The following NDC1 variants were observed in gnomAD, a reference collection of about 807,000 sequenced individuals.
The protein encoded by NDC1 is nucleoporin NDC1.
A neutral mutation model predicts 89.8 loss-of-function variants in NDC1; 24 were observed. The observed-to-expected ratio is 0.27, with a 90% CI of 0.19 to 0.38. The LOEUF (loss-of-function observed/expected upper bound fraction) is 0.38, where lower values mean the gene tolerates loss of function less well. NDC1 is among the 10% of genes least tolerant of loss of function. The pLI is 1.00. For missense variants in NDC1, 728 were observed against 797.6 expected (o/e 0.91, Z 1.05); for synonymous variants, 296 against 284.8 (o/e 1.04, Z -0.39).
At chr1:53,791,504 C>T (rs978432489) in intron 14 of NDC1, among the ~76,000 whole-genome samples, 7 of 151,978 alleles carry the variant, frequency 4.6e-5, no homozygotes, top group Non-Finnish European at 8.8e-5. Flanking sequence ...CAATTTCATG[C>T]TGCCTACCCT....
chr1:53,774,509 A>T (rs1025810038), intron 16 of NDC1, among the ~76,000 whole-genome samples: 1 of 152,316 alleles, frequency 6.6e-6, no homozygotes, highest in African/African-American at 2.4e-5. Context: ...CCTGGGTCCT[A>T]TGAATACTTT....
chr1:53,786,002 A>G (rs953209818), intron 16 of NDC1, among the ~76,000 whole-genome samples: 2 of 152,018 alleles, frequency 1.3e-5, no homozygotes, highest in African/African-American at 4.8e-5. Flanking sequence ...TCCACTCACC[A>G]TAACCTCTGC....
At chr1:53,798,138 T>TTTATTTTTATTA in intron 11 of NDC1, among the ~76,000 whole-genome samples, 1 of 133,022 alleles carries the variant, frequency 7.5e-6, no homozygotes, top group East Asian at 2.1e-4. Context: ...CCATCTTCTT[T>TTTATTTTTATTA]TTATTATTAT....
chr1:53,801,531 A>G (rs1647917848), intron 10 of NDC1, among the ~76,000 whole-genome samples: 1 of 152,190 alleles, frequency 6.6e-6, no homozygotes, highest in African/African-American at 2.4e-5. Context: ...ATGCTCCATT[A>G]TGCGTTAATA....
chr1:53,835,449 A>C, intron 2 of NDC1, 51 bp downstream of exon 2: 2 of 1,508,578 alleles, frequency 1.3e-6, no homozygotes, highest in Non-Finnish European at 1.8e-6. Context: ...TGCAATTTTT[A>C]TGTTGAGAAG....
At chr1:53,805,738 T>C (rs1011864518) in intron 9 of NDC1, among the ~76,000 whole-genome samples, 1 of 152,194 alleles carries the variant, frequency 6.6e-6, no homozygotes, top group Non-Finnish European at 1.5e-5. Context: ...AAAAGCCAAC[T>C]AATACTACAA....
chr1:53,795,713 A>G (rs570126460), intron 13 of NDC1, among the ~76,000 whole-genome samples: 6 of 152,244 alleles, frequency 3.9e-5, no homozygotes, highest in African/African-American at 1.4e-4. Flanking sequence ...CCCAGATACC[A>G]CCATCTCCCA....
intron 2 of NDC1, among the ~76,000 whole-genome samples, chr1:53,832,935 C>G (rs1428268006): frequency 6.6e-6 from 1 of 152,026 alleles, no homozygotes; most frequent in Non-Finnish European, 1.5e-5. Flanking sequence ...TCACTTGAGC[C>G]TGGGAGTTTG....
chr1:53,807,536 GA>G, intron 8 of NDC1, 119 bp downstream of exon 8: 1 of 725,494 alleles, frequency 1.4e-6, no homozygotes, highest in East Asian at 3.0e-5. Flanking sequence ...TCTCAGAAGA[GA>G]GACCAAAAAC....
chr1:53,796,883 A>G lies in NDC1; in HGVS notation c.1468+16T>C. ...CAACATGACATTTAAAATCTTAAAA[A>G]ATATATAATTCTCACCAGAAGCTGA... On this transcript the variant is annotated intron_variant, in intron 12 of 17. Transcript: ENST00000371429. The G allele has an allele frequency of 6.2e-7, 1 of 1,608,884 alleles. No homozygotes were observed. Among genetic ancestry groups the G allele is most frequent in the Non-Finnish European group, 8.5e-7 (1 of 1,178,454 alleles).
At chr1:53,830,302 A>C (rs2100693779) in intron 3 of NDC1, among the ~76,000 whole-genome samples, 1 of 151,914 alleles carries the variant, frequency 6.6e-6, no homozygotes, top group East Asian at 1.9e-4. Context: ...AAAAATACAA[A>C]AATTAGCCAG....
intron 6 of NDC1, among the ~76,000 whole-genome samples, chr1:53,814,796 G>C (rs907130866): frequency 6.6e-6 from 1 of 152,168 alleles, no homozygotes; most frequent in African/African-American, 2.4e-5. Context: ...ACTGAAATAT[G>C]AAAGATTGTT....
In NDC1 at chr1:53,831,528, C is replaced by T. The variant is rs1476083994; in HGVS notation, c.280+962G>A. ...TCTCTTCTAAAAATACAAAAATTAG[C>T]CGGGCGTGGTGGCGCGTGCCTGTAA... On this transcript the variant is annotated intron_variant, in intron 3 of 17. Coordinates refer to ENST00000371429, the MANE Select transcript of NDC1 (RefSeq NM_018087.5). Among the ~76,000 whole-genome samples, 10 of 151,890 alleles carry T rather than the reference C, an allele frequency of 6.6e-5. No individual in the cohort carries two copies. In the East Asian group the frequency reaches 1.2e-3, roughly 18 times the overall value.
At chr1:53,817,940 TG>T (rs1557585277) in intron 6 of NDC1, among the ~76,000 whole-genome samples, 1 of 152,206 alleles carries the variant, frequency 6.6e-6, no homozygotes. Context: ...AACTGATTTT[TG>T]TGCTTAATAT....
At chr1:53,833,187 G>C (rs1649121793) in intron 2 of NDC1, among the ~76,000 whole-genome samples, 1 of 152,128 alleles carries the variant, frequency 6.6e-6, no homozygotes, top group South Asian at 2.1e-4. Context: ...TTTCAAGACA[G>C]AGTATTGCTC....
At chr1:53,793,379 A>C in intron 13 of NDC1, 100 bp from the exon 14 acceptor site, 1 of 919,946 alleles carries the variant, frequency 1.1e-6, no homozygotes, top group Non-Finnish European at 1.8e-6. Flanking sequence ...TAAATGAAAA[A>C]ATGAAACACT....
chr1:53,790,771 T>C (rs1647470144), intron 14 of NDC1, among the ~76,000 whole-genome samples: 1 of 152,148 alleles, frequency 6.6e-6, no homozygotes, highest in Non-Finnish European at 1.5e-5. Flanking sequence ...TCTTTTAAAT[T>C]GTCTACCCTC....
chr1:53,800,986 A>G, intron 10 of NDC1, 138 bp from the exon 11 acceptor site: 1 of 679,190 alleles, frequency 1.5e-6, no homozygotes, highest in East Asian at 2.9e-5. Flanking sequence ...TACTATTTAT[A>G]CTCATGACAT....
intron 16 of NDC1, among the ~76,000 whole-genome samples, chr1:53,776,049 G>A (rs1647160197): frequency 6.7e-6 from 1 of 150,326 alleles, no homozygotes; most frequent in Non-Finnish European, 1.5e-5. Flanking sequence ...CTGCCTCCCT[G>A]GTTCAATCGA....
Sources: gnomAD v4.1 joint callset for allele counts (sites outside exome capture counted in the v4.1 genomes callset) on GRCh38, gnomAD v4.1.1 for gene constraint, MANE v1.5 for transcripts, NCBI Gene and HGNC (gene_info 2026-07-23, HGNC 2026-07-21) for gene names.